RAPGEF2: variants seen among roughly 807,000 people sequenced by gnomAD.
The protein encoded by RAPGEF2 is Rap guanine nucleotide exchange factor 2, also known as PDZ domain containing guanine nucleotide exchange factor (GEF) 1.
Under a neutral mutation model 186.7 loss-of-function variants are expected in RAPGEF2, and 54 were observed. That is an observed-to-expected ratio of 0.29 (90% CI 0.23 to 0.36). RAPGEF2 has a LOEUF of 0.36. Among genes scored for constraint, RAPGEF2 ranks in the 10% least tolerant of loss-of-function variants. The pLI, the probability that RAPGEF2 is intolerant of heterozygous loss-of-function variation, is 1.00. For synonymous variants in RAPGEF2, 712 were observed against 705.9 expected, an observed-to-expected ratio of 1.01 and a Z score of -0.14; for missense variants, 1,532 against 2,045.0, an observed-to-expected ratio of 0.75 and a Z score of 4.84.
intron 7 of RAPGEF2, among the ~76,000 whole-genome samples, chr4:159,296,966 T>C (rs1561233012): frequency 5.9e-5 from 9 of 152,224 alleles, no homozygotes. Context: ...AGTTCACTAA[T>C]ATTGATTATT....
intron 8 of RAPGEF2, among the ~76,000 whole-genome samples, chr4:159,309,217 T>G (rs952495021): frequency 6.6e-6 from 1 of 152,188 alleles, no homozygotes; most frequent in Non-Finnish European, 1.5e-5. Context: ...TGTTTTCAAG[T>G]GTCATCTCCT....
chr4:159,301,420 G>A (rs1428447342), intron 7 of RAPGEF2, among the ~76,000 whole-genome samples: 1 of 152,088 alleles, frequency 6.6e-6, no homozygotes, highest in Non-Finnish European at 1.5e-5. Context: ...TAATTGGTGG[G>A]AAAAGATTTT....
At chr4:159,354,161 T>C in intron 28 of RAPGEF2, 115 bp downstream of exon 28, 1 of 1,145,160 alleles carries the variant, frequency 8.7e-7, no homozygotes, top group Admixed American at 3.0e-5. Context: ...TCCATTGCTA[T>C]GTAGGACTTC....
chr4:159,267,190 G>A, intron 7 of RAPGEF2: 1 of 1,287,674 alleles, frequency 7.8e-7, no homozygotes, highest in African/African-American at 1.5e-5. Flanking sequence ...TCTGCAGGAA[G>A]CAGCAATGCC....
At chr4:159,273,168 A>G (rs1758331951) in intron 7 of RAPGEF2, among the ~76,000 whole-genome samples, 1 of 152,208 alleles carries the variant, frequency 6.6e-6, no homozygotes. Context: ...GAGATGAAAT[A>G]AACTTATCTC....
chr4:159,301,956 T>G (rs1164479032), intron 7 of RAPGEF2, among the ~76,000 whole-genome samples: 1 of 152,242 alleles, frequency 6.6e-6, no homozygotes, highest in Non-Finnish European at 1.5e-5. Context: ...TAGGAATGTC[T>G]TACTTATCTT....
At chr4:159,268,574 T>G (rs1757717971) in intron 7 of RAPGEF2, among the ~76,000 whole-genome samples, 1 of 152,098 alleles carries the variant, frequency 6.6e-6, no homozygotes, top group African/African-American at 2.4e-5. Flanking sequence ...ATCAGAAAGG[T>G]TATTGAGAAC....
At chr4:159,270,397 A>G (rs1225767103) in intron 7 of RAPGEF2, among the ~76,000 whole-genome samples, 1 of 152,222 alleles carries the variant, frequency 6.6e-6, no homozygotes, top group East Asian at 1.9e-4. Context: ...ATAGTGTCAG[A>G]GCTAATTTCA....
chr4:159,357,911 ATG>A lies in RAPGEF2; in HGVS notation c.4958-201_4958-200del, dbSNP rs1481756600. Among the ~76,000 whole-genome samples, 7 of 152,258 alleles carry A rather than the reference ATG, an allele frequency of 4.6e-5. No homozygotes were observed. The East Asian group carries it at 1.3e-3, about 29-fold the overall frequency. Reference sequence around the variant, plus strand: ...TATCTTTTTAATATTGTGTGTATATATGTAAAGATATGTATTGCATACATTTT... The same window carrying A: ...TATCTTTTTAATATTGTGTGTATATATAAAGATATGTATTGCATACATTTT... On this transcript the variant is annotated intron_variant, in intron 29 of 29. Coordinates refer to ENST00000691494, the MANE Select transcript of RAPGEF2 (RefSeq NM_001394067.2).
At chr4:159,339,474 GTAT>G in intron 19 of RAPGEF2, 120 bp downstream of exon 19, 13 of 1,272,282 alleles carry the variant, frequency 1.0e-5, no homozygotes, top group Non-Finnish European at 1.3e-5. Flanking sequence ...CGATTAAAAA[GTAT>G]TGTTGTTGTT....
At chr4:159,273,903 C>A (rs1204192233) in intron 7 of RAPGEF2, among the ~76,000 whole-genome samples, 1 of 152,046 alleles carries the variant, frequency 6.6e-6, no homozygotes, top group African/African-American at 2.4e-5. Context: ...AGCAGTCTTC[C>A]CCCTCAGTCT....
chr4:159,184,767 C>T (rs1019152618), intron 1 of RAPGEF2, among the ~76,000 whole-genome samples: 6 of 152,024 alleles, frequency 3.9e-5, no homozygotes, highest in Non-Finnish European at 5.9e-5. Flanking sequence ...TTTGTCAATT[C>T]TGGCTTTTGT....
intron 7 of RAPGEF2, among the ~76,000 whole-genome samples, chr4:159,254,280 G>T (rs1233640830): frequency 6.6e-6 from 1 of 152,182 alleles, no homozygotes; most frequent in Non-Finnish European, 1.5e-5. Context: ...TAAGACATCA[G>T]TTAGGTTTTA....
At chr4:159,145,963 GGTAAACTGTCACCAC>G (rs1742916255) in intron 1 of RAPGEF2, among the ~76,000 whole-genome samples, 1 of 152,154 alleles carries the variant, frequency 6.6e-6, no homozygotes, top group African/African-American at 2.4e-5. Context: ...AGCGTTGATA[GGTAAACTGTCACCAC>G]TTGATAAGGA....
rs549091832 is a variant in RAPGEF2, at chr4:159,301,473, T to A, written c.544-2869T>A. 5.9e-5 allele frequency among the ~76,000 whole-genome samples: 9 copies of A among 152,350 alleles called. No individual in the cohort carries two copies. In the South Asian group the frequency reaches 1.9e-3, roughly 32 times the overall value. ...GGCATCTATTCTTACATATCTCATA[T>A]TAAAAGGCATTTAATCAATGCTAAT... On this transcript the variant is annotated intron_variant, in intron 7 of 29. Transcript: ENST00000691494.
chr4:159,278,439 T>A (rs1759228078), intron 7 of RAPGEF2, among the ~76,000 whole-genome samples: 1 of 152,186 alleles, frequency 6.6e-6, no homozygotes, highest in African/African-American at 2.4e-5. Context: ...AGTACTGAAA[T>A]ATATTGAAAT....
chr4:159,187,230 T>A (rs1452176981), intron 2 of RAPGEF2, among the ~76,000 whole-genome samples: 1 of 152,220 alleles, frequency 6.6e-6, no homozygotes. Context: ...AATAATATTT[T>A]GACATTTCTG....
At chr4:159,344,114 T>C (rs1729939397) in intron 23 of RAPGEF2, 55 bp downstream of exon 23, 1 of 1,506,900 alleles carries the variant, frequency 6.6e-7, no homozygotes, top group Non-Finnish European at 9.2e-7. Flanking sequence ...GCTCATTGCA[T>C]TGTTTTCTTA....
chr4:159,354,948 C>T (rs572565400), intron 28 of RAPGEF2, among the ~76,000 whole-genome samples: 4 of 152,276 alleles, frequency 2.6e-5, no homozygotes, highest in East Asian at 3.9e-4. Context: ...ATAATCATTA[C>T]GGACATTACT....
Sources: gnomAD v4.1 joint callset for allele counts (sites outside exome capture counted in the v4.1 genomes callset) on GRCh38, gnomAD v4.1.1 for gene constraint, MANE v1.5 for transcripts, NCBI Gene and HGNC (gene_info 2026-07-23, HGNC 2026-07-21) for gene names.